The following FGF10 variants were observed in gnomAD, a reference collection of about 807,000 sequenced individuals.
FGF10 encodes fibroblast growth factor 10, also known as FGF-10.
FGF10 carries 2 observed loss-of-function variants against 19.8 expected under a neutral mutation model. The observed-to-expected ratio is 0.10, with a 90% CI of 0.04 to 0.32. FGF10 has a LOEUF of 0.32. Among genes scored for constraint, FGF10 ranks in the 10% least tolerant of loss-of-function variants. The pLI is 1.00. For synonymous variants in FGF10, 112 were observed against 94.0 expected (o/e 1.19, Z -1.10); for missense variants, 191 against 246.3 (o/e 0.78, Z 1.50).
rs1428009662 is a variant in FGF10, at chr5:44,301,411, A to G, written c.*3584T>C. ...TGCAGCATTAATGCTGATCTATGTA[A>G]ATTGGGTTCATAAACTTGCTTGGGC... On this transcript the variant is annotated 3_prime_UTR_variant, in exon 3 of 3. Transcript: ENST00000264664. Among the ~76,000 whole-genome samples, 1 of 152,134 alleles carries G rather than the reference A, an allele frequency of 6.6e-6. No homozygotes were observed. Among genetic ancestry groups the G allele is most frequent in the Admixed American group, 6.6e-5 (1 of 15,246 alleles).
In FGF10 at chr5:44,300,320, C is replaced by T. The variant is rs992898178; in HGVS notation, c.*4675G>A. On this transcript the variant is annotated 3_prime_UTR_variant, in exon 3 of 3. Transcript: ENST00000264664. The stretch of plus-strand genomic sequence containing the variant: ...AGGGTTTCAGATTTTTTCTATATGT[C>T]GATACACTTGAAAATACTAGCACAT... Among the ~76,000 whole-genome samples, 5 of 151,502 alleles carry T rather than the reference C, an allele frequency of 3.3e-5. No individual in the cohort carries two copies. Among genetic ancestry groups the T allele is most frequent in the Admixed American group, 6.6e-5 (1 of 15,186 alleles).
rs1740008033 is a variant in FGF10 at position 44,303,604 on chromosome 5, CT to C, written c.*1390del. 1.3e-5 allele frequency: 2 copies of C among 152,110 alleles called. No individual in the cohort carries two copies. Among genetic ancestry groups the C allele is most frequent in the African/African-American group, 4.8e-5 (2 of 41,440 alleles). The allele number at this position is 152,110 out of a possible 1,614,324, so 9.4% of individuals were successfully genotyped here. ...GATGATTGGTAAACTCTTATGTACT[CT>C]TTTCTATACCTGCTCTAACAAAATG... On this transcript the variant is annotated 3_prime_UTR_variant, in exon 3 of 3. Coordinates refer to ENST00000264664, the MANE Select transcript of FGF10 (RefSeq NM_004465.2).
At chr5:44,337,732 G>C (rs909532274) in intron 1 of FGF10, among the ~76,000 whole-genome samples, 2 of 152,112 alleles carry the variant, frequency 1.3e-5, no homozygotes, top group African/African-American at 2.4e-5. Context: ...ACGAGGTCAG[G>C]AGATCGAGAC....
chr5:44,317,911 T>C (rs1579900140), intron 1 of FGF10, among the ~76,000 whole-genome samples: 1 of 152,260 alleles, frequency 6.6e-6, no homozygotes, highest in East Asian at 1.9e-4. Context: ...AGAAATGGAT[T>C]TGTAATTCTT....
At chr5:44,348,738 G>C (rs1345477352) in intron 1 of FGF10, among the ~76,000 whole-genome samples, 1 of 151,492 alleles carries the variant, frequency 6.6e-6, no homozygotes, top group African/African-American at 2.4e-5. Context: ...AAAAGAATCT[G>C]TTATTTATCT....
intron 1 of FGF10, among the ~76,000 whole-genome samples, chr5:44,331,594 TG>T (rs926516082): frequency 5.6e-4 from 85 of 152,162 alleles, no homozygotes; most frequent in African/African-American, 2.0e-3. Context: ...GTACTGAGGG[TG>T]TTGTATGTGC....
At chr5:44,330,940 CT>C (rs1740722428) in intron 1 of FGF10, among the ~76,000 whole-genome samples, 2 of 152,030 alleles carry the variant, frequency 1.3e-5, no homozygotes, top group Non-Finnish European at 2.9e-5. Context: ...CAGACTTTGT[CT>C]CACAAACAGT....
chr5:44,364,414 T>C (rs1741559351), intron 1 of FGF10, among the ~76,000 whole-genome samples: 1 of 151,814 alleles, frequency 6.6e-6, no homozygotes, highest in South Asian at 2.1e-4. Context: ...GATTTTCAAT[T>C]CCTCAGCCTA....
chr5:44,340,794 G>A (rs1484871521), intron 1 of FGF10, among the ~76,000 whole-genome samples: 1 of 146,954 alleles, frequency 6.8e-6, no homozygotes, highest in South Asian at 2.1e-4. Flanking sequence ...GAGAAGAAAA[G>A]AGAATTAGGA....
At chr5:44,348,441 A>G (rs1445933930) in intron 1 of FGF10, among the ~76,000 whole-genome samples, 3 of 151,492 alleles carry the variant, frequency 2.0e-5, no homozygotes, top group African/African-American at 4.8e-5. Flanking sequence ...GGCACTTAAC[A>G]TGGGATCTGG....
chr5:44,319,393 C>A (rs1216477702), intron 1 of FGF10, among the ~76,000 whole-genome samples: 1 of 152,092 alleles, frequency 6.6e-6, no homozygotes, highest in African/African-American at 2.4e-5. Context: ...TATAGAGTAT[C>A]TTTTCTCCTC....
chr5:44,338,869 A>C (rs1740907799), intron 1 of FGF10, among the ~76,000 whole-genome samples: 1 of 152,184 alleles, frequency 6.6e-6, no homozygotes, highest in Non-Finnish European at 1.5e-5. Context: ...ACAGAGAATT[A>C]ATGTAGAAAA....
At chr5:44,345,242 A>C (rs1452144309) in intron 1 of FGF10, among the ~76,000 whole-genome samples, 7 of 151,892 alleles carry the variant, frequency 4.6e-5, no homozygotes, top group Non-Finnish European at 1.0e-4. Flanking sequence ...AAAATAATGA[A>C]TATAGAATGA....
At chr5:44,355,512 T>C (rs1426551156) in intron 1 of FGF10, among the ~76,000 whole-genome samples, 1 of 150,978 alleles carries the variant, frequency 6.6e-6, no homozygotes, top group African/African-American at 2.4e-5. Flanking sequence ...ATGCAATATA[T>C]ATTTACAATC....
intron 1 of FGF10, among the ~76,000 whole-genome samples, chr5:44,355,228 T>A (rs563477930): frequency 1.3e-5 from 2 of 151,514 alleles, no homozygotes; most frequent in South Asian, 4.1e-4. Context: ...TCAAGATGTG[T>A]AAAATCTCAT....
At chr5:44,352,904 T>C (rs534308539) in intron 1 of FGF10, among the ~76,000 whole-genome samples, 7 of 151,744 alleles carry the variant, frequency 4.6e-5, no homozygotes, top group African/African-American at 1.7e-4. Flanking sequence ...CTATTAAAAA[T>C]AAAAACTTTC....
chr5:44,349,445 T>TATATATCAGA lies in FGF10; in HGVS notation c.325+38912_325+38913insTCTGATATAT, dbSNP rs1554038120. Among the ~76,000 whole-genome samples, 55 of 13,840 alleles carry TATATATCAGA rather than the reference T, an allele frequency of 4.0e-3. 2 individuals carry two copies. Among genetic ancestry groups the TATATATCAGA allele is most frequent in the Non-Finnish European group, 8.1e-3 (40 of 4,964 alleles). 9.1% of individuals were successfully genotyped at this position (13,840 alleles called of 152,430 possible). Reference sequence around the variant, plus strand: ...CTTTATATATATATATATATATATATATATATATATATATATATATATATC... The same window carrying TATATATCAGA: ...CTTTATATATATATATATATATATATATATATCAGAATATATATATATATATATATATATC... On this transcript the variant is annotated intron_variant, in intron 1 of 2. Coordinates refer to ENST00000264664, the MANE Select transcript of FGF10 (RefSeq NM_004465.2).
chr5:44,377,795 C>T (rs897823262), intron 1 of FGF10, among the ~76,000 whole-genome samples: 2 of 152,118 alleles, frequency 1.3e-5, no homozygotes, highest in Non-Finnish European at 2.9e-5. Flanking sequence ...AGTCTAAACA[C>T]AAAACTAATT....
rs4146608 is a variant in FGF10, at chr5:44,301,009, C to G, written c.*3986G>C. Among the ~76,000 whole-genome samples the G allele has an allele frequency of 0.99, 151,437 of 152,224 alleles. 75,336 individuals are homozygous for G. Among genetic ancestry groups the G allele is most frequent in the Middle Eastern group, 1 (294 of 294 alleles). ...ACCAAATAAAACCAATGAAGGGTAA[C>G]AGAAAATGAATGTCTGAGAAGAAGC... On this transcript the variant is annotated 3_prime_UTR_variant, in exon 3 of 3. Transcript: ENST00000264664.
Sources: gnomAD v4.1 joint callset for allele counts (sites outside exome capture counted in the v4.1 genomes callset) on GRCh38, gnomAD v4.1.1 for gene constraint, MANE v1.5 for transcripts, NCBI Gene and HGNC (gene_info 2026-07-23, HGNC 2026-07-21) for gene names.